KIRREL3: variants seen among roughly 807,000 people sequenced by gnomAD.
The protein encoded by KIRREL3 is kin of IRRE-like protein 3.
A neutral mutation model predicts 89.7 loss-of-function variants in KIRREL3; 36 were observed. The observed-to-expected ratio is 0.40, with a 90% CI of 0.31 to 0.53. The LOEUF (loss-of-function observed/expected upper bound fraction) is 0.53, where lower values mean the gene tolerates loss of function less well. KIRREL3 is among the 20% of genes least tolerant of loss of function. KIRREL3 has a pLI of 0.49. For synonymous variants in KIRREL3, 445 were observed against 441.4 expected (o/e 1.01, Z -0.10); for missense variants, 864 against 1,056.6 (o/e 0.82, Z 2.53).
rs1339080213 is a variant in KIRREL3, at chr11:126,562,952, C to A, written c.56-40G>T. On this transcript the variant is annotated intron_variant, in intron 1 of 16. Transcript: ENST00000525144. The surrounding 1 kb of genome is among the most constrained non-coding windows in gnomAD (Gnocchi z 4.7). Reference sequence around the variant, plus strand: ...TAGGTGGGTGAGTTGGGAATGGGAACAGGTCAGGCATTGTTGGGGGGCCCT... The same window carrying A: ...TAGGTGGGTGAGTTGGGAATGGGAAAAGGTCAGGCATTGTTGGGGGGCCCT... 1.2e-5 allele frequency: 19 copies of A among 1,535,152 alleles called. No individual in the cohort carries two copies. Among genetic ancestry groups the A allele is most frequent in the Non-Finnish European group, 1.7e-5 (19 of 1,110,256 alleles).
chr11:126,749,355 T>A (rs1299865522), intron 1 of KIRREL3, among the ~76,000 whole-genome samples: 1 of 152,196 alleles, frequency 6.6e-6, no homozygotes, highest in South Asian at 2.1e-4. Flanking sequence ...ATGTCTTGCT[T>A]GGATTTTCTA....
intron 1 of KIRREL3, among the ~76,000 whole-genome samples, chr11:126,842,765 C>T (rs1944007854): frequency 6.6e-6 from 1 of 152,150 alleles, no homozygotes; most frequent in African/African-American, 2.4e-5. Context: ...AATGAGGACA[C>T]ATTTACTCAC....
Position 126,430,351 on chromosome 11 carries a change from A to T in KIRREL3, c.1697-1063T>A, listed in dbSNP as rs2134146499. ...TCCCAGCGACTCAGGAGGCTTAGGC[A>T]CGAGAATCGCTTGAACCTGGGAGGC... On this transcript the variant is annotated intron_variant, in intron 14 of 16. Coordinates refer to ENST00000525144, the MANE Select transcript of KIRREL3 (RefSeq NM_032531.4). This position sits in a 1 kb window ranked among gnomAD's most constrained non-coding sequence, Gnocchi z 6.6. Among the ~76,000 whole-genome samples the T allele has an allele frequency of 6.6e-6, 1 of 152,288 alleles. No homozygotes were observed.
chr11:126,597,682 C>T (rs1002873407), intron 1 of KIRREL3, among the ~76,000 whole-genome samples: 45 of 152,206 alleles, frequency 3.0e-4, no homozygotes, highest in African/African-American at 1.1e-3. Flanking sequence ...ATTGTGGAGC[C>T]TCTTGTTTGC....
intron 1 of KIRREL3, among the ~76,000 whole-genome samples, chr11:126,790,994 T>C (rs1950623051): frequency 6.6e-6 from 1 of 152,128 alleles, no homozygotes; most frequent in African/African-American, 2.4e-5. Context: ...CTGAGCAAAC[T>C]GGGTGGTGTG....
rs1339303063 is a variant in KIRREL3, at chr11:126,664,638, C to T, written c.56-101726G>A. On this transcript the variant is annotated intron_variant, in intron 1 of 16. Coordinates refer to ENST00000525144, the MANE Select transcript of KIRREL3 (RefSeq NM_032531.4). The surrounding 1 kb of genome is among the most constrained non-coding windows in gnomAD (Gnocchi z 5.4). ...ACCATTGTTACCAGCTCCGATGTGCCCTTCCTGCATGCCAAAGCCAGTTCT... is the reference window on the plus strand; with the variant it reads ...ACCATTGTTACCAGCTCCGATGTGCTCTTCCTGCATGCCAAAGCCAGTTCT... Among the ~76,000 whole-genome samples the T allele has an allele frequency of 1.3e-5, 2 of 152,210 alleles. No individual in the cohort carries two copies. The highest frequency in any genetic ancestry group is 2.9e-5 in the Non-Finnish European group (2 of 68,044).
chr11:126,755,878 CAG>C lies in KIRREL3; in HGVS notation c.56-192968_56-192967del, dbSNP rs10699844. Among the ~76,000 whole-genome samples, 679 of 148,534 alleles carry C rather than the reference CAG, an allele frequency of 4.6e-3. 5 individuals carry two copies. The highest frequency in any genetic ancestry group is 0.014 in the African/African-American group (575 of 40,448). ...GAGGGAGAGAGGGAGAGAGAAAAAACAGAGAGAGAGAGAGAGAGAGAAGACTG... is the reference window on the plus strand; with the variant it reads ...GAGGGAGAGAGGGAGAGAGAAAAAACAGAGAGAGAGAGAGAGAGAAGACTG... On this transcript the variant is annotated intron_variant, in intron 1 of 16. Coordinates refer to ENST00000525144, the MANE Select transcript of KIRREL3 (RefSeq NM_032531.4). This position sits in a 1 kb window ranked among gnomAD's most constrained non-coding sequence, Gnocchi z 4.3.
At position 126,892,728 on chromosome 11, in the gene KIRREL3, T is replaced by G. The variant is rs1945973922; in HGVS notation, c.55+107727A>C. On this transcript the variant is annotated intron_variant, in intron 1 of 16. Transcript: ENST00000525144. The surrounding 1 kb of genome is among the most constrained non-coding windows in gnomAD (Gnocchi z 5.4). ...GTAGAAACTACAGCATGACCTGACT[T>G]CTATGCCCCCAGCACTATGGCCATG... Among the ~76,000 whole-genome samples the G allele has an allele frequency of 6.6e-6, 1 of 152,162 alleles. No individual in the cohort carries two copies. Among genetic ancestry groups the G allele is most frequent in the African/African-American group, 2.4e-5 (1 of 41,438 alleles).
chr11:126,854,673 GC>G (rs1306337411), intron 1 of KIRREL3, among the ~76,000 whole-genome samples: 1 of 152,154 alleles, frequency 6.6e-6, no homozygotes, highest in African/African-American at 2.4e-5. Context: ...GAATAATGTT[GC>G]CATGAACACG....
At chr11:126,487,281 A>T (rs1218441987) in intron 4 of KIRREL3, among the ~76,000 whole-genome samples, 2 of 152,162 alleles carry the variant, frequency 1.3e-5, no homozygotes, top group Non-Finnish European at 2.9e-5. Flanking sequence ...GCAAAAATTA[A>T]AAAGACAGGC....
intron 1 of KIRREL3, among the ~76,000 whole-genome samples, chr11:126,821,638 G>T (rs1175389564): frequency 1.3e-5 from 2 of 151,936 alleles, no homozygotes; most frequent in Non-Finnish European, 1.5e-5. Context: ...TGGCAAATGG[G>T]AATTAAGTTG....
intron 1 of KIRREL3, among the ~76,000 whole-genome samples, chr11:126,820,896 G>A (rs889088928): frequency 2.0e-5 from 3 of 152,224 alleles, no homozygotes; most frequent in African/African-American, 7.2e-5. Flanking sequence ...TTGAGTTTTC[G>A]TGAGGACTAA....
intron 1 of KIRREL3, among the ~76,000 whole-genome samples, chr11:126,836,849 G>C (rs1019575122): frequency 3.9e-5 from 6 of 152,150 alleles, no homozygotes; most frequent in Admixed American, 2.6e-4. Flanking sequence ...ACAGATGTTC[G>C]CATGACATCC....
Position 126,608,295 on chromosome 11 carries a change from A to G in KIRREL3, c.56-45383T>C, listed in dbSNP as rs115012249. On this transcript the variant is annotated intron_variant, in intron 1 of 16. Coordinates refer to ENST00000525144, the MANE Select transcript of KIRREL3 (RefSeq NM_032531.4). This position sits in a 1 kb window ranked among gnomAD's most constrained non-coding sequence, Gnocchi z 4.9. ...GCAGGCGTTTGGAACAACGTGCTGA[A>G]TAACAGCAGCATTTGTGAAATCTAA... 0.012 allele frequency among the ~76,000 whole-genome samples: 1,834 copies of G among 152,316 alleles called. 34 individuals carry two copies. Among genetic ancestry groups the G allele is most frequent in the African/African-American group, 0.042 (1,751 of 41,556 alleles).
At position 126,985,199 on chromosome 11, in the gene KIRREL3, G is replaced by A. The variant is rs1282530203; in HGVS notation, c.55+15256C>T. 6.6e-6 allele frequency among the ~76,000 whole-genome samples: 1 copy of A among 152,152 alleles called. No homozygotes were observed. Among genetic ancestry groups the A allele is most frequent in the Non-Finnish European group, 1.5e-5 (1 of 68,044 alleles). On this transcript the variant is annotated intron_variant, in intron 1 of 16. Transcript: ENST00000525144. This position sits in a 1 kb window ranked among gnomAD's most constrained non-coding sequence, Gnocchi z 5.3. ...ACGTTCTCTGATGAAACACTTTCAT[G>A]GGTTTGCAAGTGAAATGCTGGGCAC...
chr11:126,442,353 C>CACACACAA (rs1555105027), intron 10 of KIRREL3, among the ~76,000 whole-genome samples: 7 of 113,598 alleles, frequency 6.2e-5, no homozygotes, highest in African/African-American at 2.2e-4. Flanking sequence ...CACACACACA[C>CACACACAA]AAAACCTTTT....
Position 126,564,078 on chromosome 11 carries a change from T to C in KIRREL3, c.56-1166A>G, listed in dbSNP as rs1267412813. On this transcript the variant is annotated intron_variant, in intron 1 of 16. Coordinates refer to ENST00000525144, the MANE Select transcript of KIRREL3 (RefSeq NM_032531.4). The surrounding 1 kb of genome is among the most constrained non-coding windows in gnomAD (Gnocchi z 7.4). The stretch of plus-strand genomic sequence containing the variant: ...GGAATTTGATTTCTGGAAGAGGGAA[T>C]ATGACTGCAGCTCTTCCTGGCCCTT... 2.0e-5 allele frequency among the ~76,000 whole-genome samples: 3 copies of C among 152,250 alleles called. No individual in the cohort carries two copies. Among genetic ancestry groups the C allele is most frequent in the Non-Finnish European group, 4.4e-5 (3 of 68,040 alleles).
rs1230295057 is a variant in KIRREL3 at position 126,863,524 on chromosome 11, CGTGT to C, written c.55+136927_55+136930del. Among the ~76,000 whole-genome samples, 4 of 113,860 alleles carry C rather than the reference CGTGT, an allele frequency of 3.5e-5. 1 individual carries two copies. The highest frequency in any genetic ancestry group is 7.3e-5 in the Non-Finnish European group (4 of 54,974). 74.7% of individuals were successfully genotyped at this position (113,860 alleles called of 152,430 possible). A position where few individuals can be genotyped will look rare whatever the true frequency, so the allele number is the denominator to read the frequency against. On this transcript the variant is annotated intron_variant, in intron 1 of 16. Transcript: ENST00000525144. ...GTGTGAGTGCGTGTGTGTTTGAGTG[CGTGT>C]GTGAGTGCGTGTGAGTGTGTGAGTG...
At chr11:126,988,490 T>C (rs1197691722) in intron 1 of KIRREL3, 1 of 152,744 alleles carries the variant, frequency 6.5e-6, no homozygotes, top group Non-Finnish European at 1.5e-5. Context: ...CTGAAATCCT[T>C]CCTGAAGAAT....
Sources: gnomAD v4.1 joint callset for allele counts (sites outside exome capture counted in the v4.1 genomes callset) on GRCh38, gnomAD v4.1.1 for gene constraint, Gnocchi (gnomAD v3.1) non-coding constraint, MANE v1.5 for transcripts, NCBI Gene and HGNC (gene_info 2026-07-23, HGNC 2026-07-21) for gene names.